Variants in PFKM observed in about 807,000 individuals in gnomAD.
PFKM encodes phosphofructokinase, muscle.
A neutral mutation model predicts 95.5 loss-of-function variants in PFKM; 58 were observed. The ratio of observed to expected loss-of-function variants is 0.61; its 90% CI spans 0.49 to 0.76. The LOEUF (loss-of-function observed/expected upper bound fraction) is 0.76. Among genes scored for constraint, PFKM ranks in the 30% least tolerant of loss-of-function variants. The pLI is 0.00. For synonymous variants in PFKM, 336 were observed against 357.2 expected, an observed-to-expected ratio of 0.94 and a Z score of 0.67; for missense variants, 678 against 1,005.4, an observed-to-expected ratio of 0.67 and a Z score of 4.40.
chr12:48,139,354 G>A lies in PFKM; in HGVS notation c.1127+5G>A, dbSNP rs771483013. On this transcript the variant is annotated splice_donor_5th_base_variant and intron_variant, in intron 12 of 22. Transcript: ENST00000359794. ...AGCCCTGAAGCTGAGAGGCCGGTGA[G>A]GAGATGACGGGAAGCTCACTAGCTA... 3.1e-6 allele frequency: 5 copies of A among 1,610,314 alleles called. No individual in the cohort carries two copies. In the South Asian group the frequency reaches 5.5e-5, roughly 18 times the overall value.
intron 2 of PFKM, chr12:48,108,019 A>G (rs1592562205): frequency 1.9e-6 from 3 of 1,588,560 alleles, no homozygotes; most frequent in East Asian, 2.2e-5. Flanking sequence ...AGTAAGGAAC[A>G]CTCCCTTCCC....
chr12:48,129,126 A>G (rs1949151470), intron 2 of PFKM, among the ~76,000 whole-genome samples: 1 of 149,010 alleles, frequency 6.7e-6, no homozygotes, highest in Non-Finnish European at 1.5e-5. Flanking sequence ...TAGGAGAGGG[A>G]TAATATCATC....
chr12:48,124,927 A>C (rs1002996581), intron 2 of PFKM, among the ~76,000 whole-genome samples: 4 of 152,218 alleles, frequency 2.6e-5, no homozygotes, highest in Non-Finnish European at 5.9e-5. Flanking sequence ...GGGAGAAAAC[A>C]TAGAAATGTT....
intron 11 of PFKM, among the ~76,000 whole-genome samples, chr12:48,138,592 C>T (rs1217545454): frequency 1.3e-5 from 2 of 152,186 alleles, no homozygotes; most frequent in Non-Finnish European, 1.5e-5. Flanking sequence ...GAGCTGAAAT[C>T]AGTAGTTGAG....
At chr12:48,127,264 A>G (rs548585484) in intron 2 of PFKM, among the ~76,000 whole-genome samples, 97 of 152,114 alleles carry the variant, frequency 6.4e-4, no homozygotes, top group Non-Finnish European at 1.3e-3. Context: ...TGTTCCTTCA[A>G]TGTTGGTTTT....
intron 3 of PFKM, among the ~76,000 whole-genome samples, chr12:48,108,991 A>G (rs957695438): frequency 4.6e-5 from 7 of 152,234 alleles, no homozygotes; most frequent in Non-Finnish European, 1.0e-4. Context: ...CCTAGCACTT[A>G]TGAAATATAT....
At chr12:48,110,096 C>G (rs1565837363) in intron 3 of PFKM, among the ~76,000 whole-genome samples, 1 of 152,058 alleles carries the variant, frequency 6.6e-6, no homozygotes, top group Non-Finnish European at 1.5e-5. Flanking sequence ...GAGGATAAAA[C>G]AGGGGGTGTA....
At chr12:48,108,179 C>T (rs1946870399) in exon 3 of PFKM, 1 of 1,597,704 alleles carries the variant, frequency 6.3e-7, no homozygotes, top group African/African-American at 1.3e-5. Flanking sequence ...GGGAAGCATA[C>T]CTGTTTTCAA....
intron 11 of PFKM, 136 bp downstream of exon 11, chr12:48,137,982 G>A (rs1422822713): frequency 1.1e-6 from 1 of 928,862 alleles, no homozygotes; most frequent in Non-Finnish European, 1.7e-6. Flanking sequence ...GAGACATGTG[G>A]GGAAAGAACA....
rs1949857059 is a variant in PFKM, at chr12:48,134,409, T to C, written c.638+133T>C. The C allele has an allele frequency of 4.9e-6, 4 of 811,374 alleles. No homozygotes were observed. In the South Asian group the frequency reaches 5.6e-5, roughly 11 times the overall value. 50.3% of individuals were successfully genotyped at this position (811,374 alleles called of 1,614,324 possible). ...ACATGCTCCTTGTGGTGTGGTTCCC[T>C]TTCCGGCCTCCATCCCCTCTGTTAC... On this transcript the variant is annotated intron_variant, in intron 7 of 22. Coordinates refer to ENST00000359794, the MANE Select transcript of PFKM (RefSeq NM_000289.6).
chr12:48,114,054 C>A (rs1014163454), intron 3 of PFKM, among the ~76,000 whole-genome samples: 3 of 152,128 alleles, frequency 2.0e-5, no homozygotes, highest in African/African-American at 7.2e-5. Context: ...TCTCGCCTAG[C>A]TATATCTGGG....
chr12:48,131,284 A>G (rs749545414), intron 3 of PFKM, 32 bp from the exon 4 acceptor site: 1 of 1,469,224 alleles, frequency 6.8e-7, no homozygotes, highest in Non-Finnish European at 9.5e-7. Context: ...AGAGAAGCCT[A>G]ACGGGCTGAA....
rs751992543 is a variant in PFKM at position 48,137,729 on chromosome 12, G to A, written c.945G>A (p.Arg315=). ...PSAFDRILGS[R]MGVEAVMALL... is the part of the protein sequence containing the mutation. ...TCTCTGGGCTCCTGCAGGGCAGCAG[G>A]ATGGGTGTGGAAGCAGTGATGGCAC... is the stretch of plus-strand genomic sequence containing the variant. Residue 315 remains arginine (R), a synonymous_variant, in exon 11 of 23, where the codon AGG becomes AGA. Coordinates refer to ENST00000359794, the MANE Select transcript of PFKM (RefSeq NM_000289.6). 1.2e-6 allele frequency: 2 copies of A among 1,614,186 alleles called. No individual in the cohort carries two copies. The highest frequency in any genetic ancestry group is 3.3e-5 in the Admixed American group (2 of 60,028).
rs1378670185 is a variant in PFKM, at chr12:48,139,490, A to C, written c.1127+141A>C. On this transcript the variant is annotated intron_variant, in intron 12 of 22. Transcript: ENST00000359794. ...TCTCTGCAGCAAGTTCCTGCCCAAG[A>C]AAATTAGTTGTGAGGTGACTGGGAG... 8.2e-6 allele frequency: 6 copies of C among 729,266 alleles called. No homozygotes were observed. The East Asian group carries it at 1.6e-4, about 20-fold the overall frequency. 45.2% of individuals were successfully genotyped at this position (729,266 alleles called of 1,614,324 possible).
intron 10 of PFKM, among the ~76,000 whole-genome samples, chr12:48,136,559 A>G (rs1384881093): frequency 4.6e-5 from 7 of 152,092 alleles, no homozygotes; most frequent in Admixed American, 2.0e-4. Context: ...GTTGTATGGT[A>G]GTTTTTTGTT....
At chr12:48,110,958 C>T (rs1204722454) in intron 3 of PFKM, among the ~76,000 whole-genome samples, 1 of 152,122 alleles carries the variant, frequency 6.6e-6, no homozygotes, top group African/African-American at 2.4e-5. Flanking sequence ...GACCCCTAGG[C>T]TTTTCAAAGA....
intron 13 of PFKM, among the ~76,000 whole-genome samples, chr12:48,140,457 C>G (rs1950484366): frequency 6.6e-6 from 1 of 152,188 alleles, no homozygotes; most frequent in African/African-American, 2.4e-5. Context: ...TCTGGAAGGT[C>G]TCTCATTCAT....
chr12:48,125,132 C>G (rs1322955787), intron 2 of PFKM, among the ~76,000 whole-genome samples: 1 of 152,110 alleles, frequency 6.6e-6, no homozygotes, highest in African/African-American at 2.4e-5. Context: ...TGGGCTGATG[C>G]CGTACCAAAT....
At chr12:48,110,739 G>T (rs188640899) in intron 3 of PFKM, among the ~76,000 whole-genome samples, 1 of 152,254 alleles carries the variant, frequency 6.6e-6, no homozygotes, top group East Asian at 1.9e-4. Context: ...TTTCTTTCTT[G>T]TCTCTTACCT....
Sources: allele counts gnomAD v4.1 joint callset (sites outside exome capture counted in the v4.1 genomes callset), GRCh38; gene constraint gnomAD v4.1.1; transcripts MANE v1.5; gene names NCBI Gene and HGNC (gene_info 2026-07-23, HGNC 2026-07-21).